ZMIZ2: variants seen among roughly 807,000 people sequenced by gnomAD.
ZMIZ2 encodes zinc finger MIZ domain-containing protein 2.
Under a neutral mutation model 93.9 loss-of-function variants are expected in ZMIZ2, and 26 were observed. The observed-to-expected ratio is 0.28, with a 90% CI of 0.20 to 0.38. ZMIZ2 has a LOEUF of 0.38. Ranked by LOEUF, ZMIZ2 falls within the 10% of genes least tolerant of loss-of-function variation. ZMIZ2 has a pLI of 1.00. For missense variants in ZMIZ2, 1,023 were observed against 1,235.0 expected (o/e 0.83, Z 2.57); for synonymous variants, 485 against 516.4 (o/e 0.94, Z 0.82).
chr7:44,754,312 T>C (rs899991851), intron 1 of ZMIZ2, among the ~76,000 whole-genome samples: 16 of 152,168 alleles, frequency 1.1e-4, no homozygotes, highest in African/African-American at 3.9e-4. Flanking sequence ...AGCCCCTGGT[T>C]TTCTTCACCC....
Position 44,758,118 on chromosome 7 carries a change from C to G in ZMIZ2, c.813+10C>G, listed in dbSNP as rs1484938716. The G allele has an allele frequency of 6.5e-7, 1 of 1,528,282 alleles. No homozygotes were observed. Among genetic ancestry groups the G allele is most frequent in the Non-Finnish European group, 8.8e-7 (1 of 1,138,010 alleles). The allele number at this position is 1,528,282 out of a possible 1,614,324, so 94.7% of individuals were successfully genotyped here. On this transcript the variant is annotated intron_variant, in intron 6 of 18. Coordinates refer to ENST00000309315, the MANE Select transcript of ZMIZ2 (RefSeq NM_031449.4). Reference sequence around the variant, plus strand: ...GAGAACCTACTCTGAGGTGAGTGTCCAGGTCACCTAGTTTGGGGCCTTGGG... The same window carrying G: ...GAGAACCTACTCTGAGGTGAGTGTCGAGGTCACCTAGTTTGGGGCCTTGGG...
At position 44,756,995 on chromosome 7, in the gene ZMIZ2, A is replaced by T. The variant is rs1790652733; in HGVS notation, c.214A>T (p.Met72Leu). 1 of 1,612,572 alleles carries T rather than the reference A, an allele frequency of 6.2e-7. No homozygotes were observed. Among genetic ancestry groups the T allele is most frequent in the Non-Finnish European group, 8.5e-7 (1 of 1,179,522 alleles). Residue 72 changes from methionine to leucine, a missense_variant, in exon 4 of 19, where the codon ATG becomes TTG. By Grantham distance (15) the Met-to-Leu change is conservative. Around this residue, in one of 3 missense-constraint regions of ZMIZ2, gnomAD observed 656 missense variants for 777.1 expected, o/e 0.84. Coordinates refer to ENST00000309315, the MANE Select transcript of ZMIZ2 (RefSeq NM_031449.4). Reference sequence around the variant, plus strand: ...TGCAGGGAGTCCCTCTGGCAGCTCCATGATGCCTGGTGTGGCAGGGGGCAG... The same window carrying T: ...TGCAGGGAGTCCCTCTGGCAGCTCCTTGATGCCTGGTGTGGCAGGGGGCAG... Reference protein sequence around the residue: ...GPAGSPSGSSMMPGVAGGSSA... With the variant: ...GPAGSPSGSSLMPGVAGGSSA...
intron 1 of ZMIZ2, chr7:44,749,742 C>T (rs1236624540): frequency 6.6e-6 from 1 of 152,358 alleles, no homozygotes; most frequent in Non-Finnish European, 1.5e-5. Flanking sequence ...TCTGCCTCTC[C>T]TTCTCCCTAG....
intron 1 of ZMIZ2, among the ~76,000 whole-genome samples, chr7:44,750,363 G>C (rs1790031506): frequency 6.6e-6 from 1 of 152,204 alleles, no homozygotes; most frequent in Admixed American, 6.6e-5. Flanking sequence ...GGTAGAGGGG[G>C]CAGGACTTTC....
At chr7:44,750,544 G>A (rs150246230) in intron 1 of ZMIZ2, among the ~76,000 whole-genome samples, 3 of 152,276 alleles carry the variant, frequency 2.0e-5, no homozygotes, top group East Asian at 1.9e-4. Flanking sequence ...ATTGAGAAGC[G>A]TTGCCTGCCA....
chr7:44,751,400 G>C (rs1248747597), intron 1 of ZMIZ2, among the ~76,000 whole-genome samples: 1 of 152,236 alleles, frequency 6.6e-6, no homozygotes. Flanking sequence ...AGCTGGTTTT[G>C]ATGTGCTGCA....
chr7:44,759,411 G>A lies in ZMIZ2; in HGVS notation c.944G>A (p.Gly315Asp), dbSNP rs1260735880. 1.9e-6 allele frequency: 3 copies of A among 1,600,496 alleles called. No homozygotes were observed. The highest frequency in any genetic ancestry group is 1.7e-6 in the Non-Finnish European group (2 of 1,173,994). Reference protein sequence around the residue: ...YPGHRLPLQQGMTQSLSVPGP... With the variant: ...YPGHRLPLQQDMTQSLSVPGP... ...GGGCACAGGCTGCCCCTGCAGCAGG[G>A]CATGACCCAGTCCCTGTCCGTGCCT... Residue 315 changes from glycine (G) to aspartate (D), a missense_variant, in exon 7 of 19, where the codon GGC (glycine) becomes GAC (aspartate). Physicochemically the swap from Gly to Asp is moderately conservative, Grantham distance 94. Transcript: ENST00000309315.
chr7:44,765,247 C>A lies in ZMIZ2; in HGVS notation c.1998-88C>A. 6.3e-7 allele frequency: 1 copy of A among 1,575,086 alleles called. No individual in the cohort carries two copies. The highest frequency in any genetic ancestry group is 8.6e-7 in the Non-Finnish European group (1 of 1,160,600). On this transcript the variant is annotated intron_variant, in intron 15 of 18. Coordinates refer to ENST00000309315, the MANE Select transcript of ZMIZ2 (RefSeq NM_031449.4). This position sits in a 1 kb window ranked among gnomAD's most constrained non-coding sequence, Gnocchi z 4.1. ...CAAGCATTTGAGTGGGGGAACCTGCCTGGAAACAGCCCAGGGCTGGGAGGG... is the reference window on the plus strand; with the variant it reads ...CAAGCATTTGAGTGGGGGAACCTGCATGGAAACAGCCCAGGGCTGGGAGGG...
chr7:44,754,686 TG>T (rs879887855), intron 1 of ZMIZ2, among the ~76,000 whole-genome samples: 3 of 152,122 alleles, frequency 2.0e-5, no homozygotes, highest in Non-Finnish European at 2.9e-5. Flanking sequence ...CACCCTCTCC[TG>T]GGGCAGGGAG....
Position 44,762,022 on chromosome 7 carries a change from A to G in ZMIZ2, c.1596+117A>G, listed in dbSNP as rs547635091. 161 of 1,285,372 alleles carry G rather than the reference A, an allele frequency of 1.3e-4. 1 individual carries two copies. In the African/African-American group the frequency reaches 2.5e-3, roughly 20 times the overall value. 79.6% of individuals were successfully genotyped at this position (1,285,372 alleles called of 1,614,324 possible). A position where few individuals can be genotyped will look rare whatever the true frequency, so the allele number is the denominator to read the frequency against. ...TGGGCGGGGCCTGGCCCAGCGGCGC[A>G]GTGGGAGCGGAGCCAGGACATGGGC... is the stretch of plus-strand genomic sequence containing the variant. On this transcript the variant is annotated intron_variant, in intron 11 of 18. Transcript: ENST00000309315.
At chr7:44,752,625 T>C (rs1407684901) in intron 1 of ZMIZ2, among the ~76,000 whole-genome samples, 1 of 152,240 alleles carries the variant, frequency 6.6e-6, no homozygotes, top group Non-Finnish European at 1.5e-5. Flanking sequence ...TGTAGCCTCT[T>C]GGGATTGGCT....
intron 1 of ZMIZ2, chr7:44,750,845 G>A (rs1490235780): frequency 6.6e-6 from 1 of 152,212 alleles, no homozygotes; most frequent in African/African-American, 2.4e-5. Context: ...ACCCTTGGTG[G>A]GCATGGGCCT....
chr7:44,767,592 A>G lies in ZMIZ2; in HGVS notation c.2732A>G (p.Asp911Gly), dbSNP rs1399305213. Residue 911 changes from aspartate to glycine, a missense_variant, in exon 19 of 19, where the codon GAC becomes GGC. Asp to Gly is a moderately conservative substitution (Grantham distance 94). Coordinates refer to ENST00000309315, the MANE Select transcript of ZMIZ2 (RefSeq NM_031449.4). ...GPPDLPTNNN[D>G]DLLSLFENN is the part of the protein sequence containing the mutation. ...CCCGACCTCCCTACGAACAACAATG[A>G]CGACCTGCTTTCTCTGTTTGAGAAC... 6.8e-6 allele frequency: 11 copies of G among 1,613,990 alleles called. No homozygotes were observed. The highest frequency in any genetic ancestry group is 9.3e-6 in the Non-Finnish European group (11 of 1,180,016).
rs769154573 is a variant in ZMIZ2, at chr7:44,761,616, C to G, written c.1385+23C>G. 1 of 1,613,678 alleles carries G rather than the reference C, an allele frequency of 6.2e-7. No homozygotes were observed. The highest frequency in any genetic ancestry group is 8.5e-7 in the Non-Finnish European group (1 of 1,179,780). ...GAGGTGAGCTCCGCCTGGCCCCCAC[C>G]TGACCCCCACGAGGCTCTGTTCCTC... On this transcript the variant is annotated intron_variant, in intron 10 of 18. Transcript: ENST00000309315. The surrounding 1 kb of genome is among the most constrained non-coding windows in gnomAD (Gnocchi z 5.8).
chr7:44,756,013 C>G (rs1175576036), intron 1 of ZMIZ2, among the ~76,000 whole-genome samples, 175 bp from the exon 2 acceptor site: 1 of 152,124 alleles, frequency 6.6e-6, no homozygotes, highest in African/African-American at 2.4e-5. Flanking sequence ...AGATCCTCAC[C>G]AGAGTGAGTG....
intron 1 of ZMIZ2, among the ~76,000 whole-genome samples, chr7:44,754,145 CT>C (rs1370466192): frequency 6.6e-6 from 1 of 152,220 alleles, no homozygotes; most frequent in African/African-American, 2.4e-5. Flanking sequence ...GGAGGAGTTT[CT>C]GGCTGTTGGC....
chr7:44,759,785 G>A (rs1233085871), intron 7 of ZMIZ2: 2 of 456,918 alleles, frequency 4.4e-6, no homozygotes, highest in African/African-American at 4.1e-5. Flanking sequence ...TTATGGAAAA[G>A]TGTCATTCCT....
At chr7:44,760,052 TA>T in intron 7 of ZMIZ2, 98 bp from the exon 8 acceptor site, 1 of 1,209,764 alleles carries the variant, frequency 8.3e-7, no homozygotes. Context: ...CAAGAGAGTG[TA>T]AAGAAGACCG....
chr7:44,763,568 C>T lies in ZMIZ2; in HGVS notation c.1860+155C>T. On this transcript the variant is annotated intron_variant, in intron 13 of 18. Coordinates refer to ENST00000309315, the MANE Select transcript of ZMIZ2 (RefSeq NM_031449.4). The surrounding 1 kb of genome is among the most constrained non-coding windows in gnomAD (Gnocchi z 5.6). ...TCCCACGCCAAGGAGGCAGGTGGGCCTGGCTCCCCCAAGACTAGGCTATTT... is the reference window on the plus strand; with the variant it reads ...TCCCACGCCAAGGAGGCAGGTGGGCTTGGCTCCCCCAAGACTAGGCTATTT... 1 of 1,023,208 alleles carries T rather than the reference C, an allele frequency of 9.8e-7. No individual in the cohort carries two copies. Among genetic ancestry groups the T allele is most frequent in the Non-Finnish European group, 1.4e-6 (1 of 712,464 alleles). 63.4% of individuals were successfully genotyped at this position (1,023,208 alleles called of 1,614,324 possible). A position where few individuals can be genotyped will look rare whatever the true frequency, so the allele number is the denominator to read the frequency against.
Sources: allele counts gnomAD v4.1 joint callset (sites outside exome capture counted in the v4.1 genomes callset), GRCh38; gene constraint gnomAD v4.1.1; regional missense constraint gnomAD v4.1.1; non-coding constraint Gnocchi (gnomAD v3.1); transcripts MANE v1.5; gene names NCBI Gene and HGNC (gene_info 2026-07-23, HGNC 2026-07-21).